UNC5C: variants seen among roughly 807,000 people sequenced by gnomAD.
UNC5C encodes the protein unc-5 netrin receptor C.
A neutral mutation model predicts 99.8 loss-of-function variants in UNC5C; 47 were observed. That is an observed-to-expected ratio of 0.47 (90% CI 0.37 to 0.60). The LOEUF is 0.60. Among genes scored for constraint, UNC5C ranks in the 20% least tolerant of loss-of-function variants. The pLI is 0.00. For synonymous variants in UNC5C, 487 were observed against 452.2 expected (o/e 1.08, Z -0.98); for missense variants, 1,062 against 1,165.9 (o/e 0.91, Z 1.30).
At chr4:95,529,542 A>G (rs1722587098) in intron 1 of UNC5C, among the ~76,000 whole-genome samples, 1 of 151,714 alleles carries the variant, frequency 6.6e-6, no homozygotes, top group Non-Finnish European at 1.5e-5. Context: ...CCTGGGAAAC[A>G]TGGCAAAACC....
Position 95,182,800 on chromosome 4 carries a change from C to T in UNC5C, c.2451+97G>A, listed in dbSNP as rs1378620005. On this transcript the variant is annotated intron_variant, in intron 14 of 15. Transcript: ENST00000453304. The stretch of plus-strand genomic sequence containing the variant: ...TCTATAGAAAGCTTTTGAGGACTTC[C>T]CATATGGACTATGTTGAGATACCCT... 4 of 1,339,386 alleles carry T rather than the reference C, an allele frequency of 3.0e-6. No homozygotes were observed. The African/African-American group carries it at 5.8e-5, about 19-fold the overall frequency. 83.0% of individuals were successfully genotyped at this position (1,339,386 alleles called of 1,614,324 possible). A position where few individuals can be genotyped will look rare whatever the true frequency, so the allele number is the denominator to read the frequency against.
In UNC5C at chr4:95,164,606, A is replaced by G. The variant is rs1735792756; in HGVS notation, c.*4628T>C. The G allele has an allele frequency of 6.6e-6, 1 of 152,218 alleles. No homozygotes were observed. The allele number at this position is 152,218 out of a possible 1,614,324, so 9.4% of individuals were successfully genotyped here. ...TTTTGTTAACTTGAGATAATAAAAT[A>G]TTTTCCTTATTAGATCTATAAAATC... is the stretch of plus-strand genomic sequence containing the variant. On this transcript the variant is annotated 3_prime_UTR_variant, in exon 16 of 16. Transcript: ENST00000453304.
intron 1 of UNC5C, among the ~76,000 whole-genome samples, chr4:95,443,582 C>A (rs556704106): frequency 0.011 from 1,721 of 152,072 alleles, 105 homozygotes; most frequent in Admixed American, 0.1. Flanking sequence ...ATAAATAATT[C>A]TTTTATTTGG....
chr4:95,313,299 A>G (rs997414448), intron 2 of UNC5C, among the ~76,000 whole-genome samples: 1 of 152,144 alleles, frequency 6.6e-6, no homozygotes, highest in African/African-American at 2.4e-5. Flanking sequence ...GAGCAGTGAG[A>G]TTGTGAAAAT....
In UNC5C at chr4:95,243,449, T is replaced by C. The variant is rs148265621; in HGVS notation, c.944-856A>G. ...CACTTCAAAATGCAGCTTAAGCTTC[T>C]CACAAAAATAGGATAAAAATATTGA... On this transcript the variant is annotated intron_variant, in intron 6 of 15. Coordinates refer to ENST00000453304, the MANE Select transcript of UNC5C (RefSeq NM_003728.4). 1.9e-4 allele frequency among the ~76,000 whole-genome samples: 29 copies of C among 152,252 alleles called. No individual in the cohort carries two copies. The East Asian group carries it at 5.4e-3, about 28-fold the overall frequency.
At chr4:95,293,295 CTTTTTTTTT>C (rs1175837199) in intron 3 of UNC5C, among the ~76,000 whole-genome samples, 2 of 56,882 alleles carry the variant, frequency 3.5e-5, no homozygotes, top group African/African-American at 1.5e-4. Context: ...TAATAGTGAG[CTTTTTTTTT>C]TTTTTTTTTT....
intron 1 of UNC5C, among the ~76,000 whole-genome samples, chr4:95,343,938 A>G (rs929569309): frequency 6.6e-6 from 1 of 152,108 alleles, no homozygotes; most frequent in Non-Finnish European, 1.5e-5. Context: ...CACATCTACC[A>G]CAACTAGCAA....
intron 13 of UNC5C, among the ~76,000 whole-genome samples, chr4:95,183,506 A>G (rs1356447757): frequency 3.3e-5 from 5 of 152,216 alleles, no homozygotes; most frequent in Admixed American, 1.3e-4. Flanking sequence ...AGGATACTGC[A>G]CTGATGTGGC....
chr4:95,497,347 C>T (rs190746771), intron 1 of UNC5C, among the ~76,000 whole-genome samples: 1 of 151,990 alleles, frequency 6.6e-6, no homozygotes, highest in African/African-American at 2.4e-5. Flanking sequence ...AAATATAAAT[C>T]CATATTGATA....
intron 1 of UNC5C, among the ~76,000 whole-genome samples, chr4:95,394,457 TAAACA>T (rs1745451972): frequency 6.6e-6 from 1 of 152,182 alleles, no homozygotes; most frequent in Non-Finnish European, 1.5e-5. Flanking sequence ...CTGGAGTAAC[TAAACA>T]GAGTTCACTT....
chr4:95,299,570 G>A (rs530254968), intron 3 of UNC5C, among the ~76,000 whole-genome samples: 1 of 152,266 alleles, frequency 6.6e-6, no homozygotes, highest in East Asian at 1.9e-4. Context: ...ACATGCCCCA[G>A]ATTGGGTAAT....
chr4:95,539,225 C>T (rs1323808018), intron 1 of UNC5C, among the ~76,000 whole-genome samples: 2 of 152,172 alleles, frequency 1.3e-5, no homozygotes, highest in Non-Finnish European at 2.9e-5. Flanking sequence ...CGACAGTCTC[C>T]TTTGGTCAAC....
At chr4:95,269,257 C>G (rs1740568483) in intron 4 of UNC5C, among the ~76,000 whole-genome samples, 1 of 152,084 alleles carries the variant, frequency 6.6e-6, no homozygotes, top group Admixed American at 6.6e-5. Flanking sequence ...TGTGCCTCCA[C>G]TTCTGAGAAC....
At chr4:95,487,556 T>C (rs971997238) in intron 1 of UNC5C, among the ~76,000 whole-genome samples, 5 of 151,814 alleles carry the variant, frequency 3.3e-5, no homozygotes, top group Non-Finnish European at 4.4e-5. Context: ...TTTTGATTTA[T>C]GATCTGGTTA....
intron 12 of UNC5C, among the ~76,000 whole-genome samples, chr4:95,191,817 A>AT (rs1737113346): frequency 1.2e-5 from 1 of 84,196 alleles, no homozygotes; most frequent in African/African-American, 4.9e-5. Context: ...TCCCCTGCTC[A>AT]CCTCTTCTGC....
chr4:95,178,373 G>C (rs2149348056), intron 14 of UNC5C, among the ~76,000 whole-genome samples: 1 of 152,326 alleles, frequency 6.6e-6, no homozygotes, highest in Middle Eastern at 3.4e-3. Context: ...GGTCTCCTCG[G>C]TGCCTCCCAG....
intron 1 of UNC5C, among the ~76,000 whole-genome samples, chr4:95,347,143 C>A (rs890125252): frequency 2.0e-5 from 3 of 151,886 alleles, no homozygotes; most frequent in Non-Finnish European, 4.4e-5. Flanking sequence ...AAAAAGAAGT[C>A]AAGTAAATAA....
chr4:95,359,358 T>C (rs1173440743), intron 1 of UNC5C, among the ~76,000 whole-genome samples: 2 of 152,120 alleles, frequency 1.3e-5, no homozygotes, highest in Non-Finnish European at 2.9e-5. Flanking sequence ...TGTAACTTCT[T>C]TTGTTGGCCA....
At chr4:95,307,470 T>C (rs1039180903) in intron 2 of UNC5C, among the ~76,000 whole-genome samples, 6 of 152,072 alleles carry the variant, frequency 3.9e-5, no homozygotes, top group African/African-American at 7.2e-5. Context: ...GACCAATCAA[T>C]GATCAGTAAG....
Sources: gnomAD v4.1 joint callset for allele counts (sites outside exome capture counted in the v4.1 genomes callset) on GRCh38, gnomAD v4.1.1 for gene constraint, MANE v1.5 for transcripts, NCBI Gene and HGNC (gene_info 2026-07-23, HGNC 2026-07-21) for gene names.